Variants in DNAJC16 observed in about 807,000 individuals in gnomAD.
The protein encoded by DNAJC16 is dnaJ homolog subfamily C member 16.
DNAJC16 carries 76 observed loss-of-function variants against 92.7 expected under a neutral mutation model. That is an observed-to-expected ratio of 0.82 (90% CI 0.68 to 0.99). The LOEUF is 0.99. Ranked by LOEUF, DNAJC16 falls within the 50% of genes least tolerant of loss-of-function variation. The pLI, the probability that DNAJC16 is intolerant of heterozygous loss-of-function variation, is 0.00. For missense variants in DNAJC16, 869 were observed against 942.4 expected (o/e 0.92, Z 1.02); for synonymous variants, 328 against 358.7 (o/e 0.91, Z 0.97).
intron 7 of DNAJC16, among the ~76,000 whole-genome samples, chr1:15,554,144 A>C (rs1278997460): frequency 4.6e-5 from 7 of 152,122 alleles, no homozygotes; most frequent in Non-Finnish European, 8.8e-5. Context: ...TCAAGGCTGC[A>C]GTGAGCTGTG....
At chr1:15,546,354 A>G (rs1638303797) in intron 5 of DNAJC16, among the ~76,000 whole-genome samples, 1 of 152,176 alleles carries the variant, frequency 6.6e-6, no homozygotes, top group African/African-American at 2.4e-5. Flanking sequence ...CTGAGGTGTG[A>G]TAGATAGATG....
At chr1:15,557,784 G>A (rs1638600322) in intron 7 of DNAJC16, among the ~76,000 whole-genome samples, 1 of 151,634 alleles carries the variant, frequency 6.6e-6, no homozygotes, top group African/African-American at 2.4e-5. Flanking sequence ...CCAGGCTGGA[G>A]TGTAGTGATG....
chr1:15,569,600 A>G lies in DNAJC16; in HGVS notation c.*1423A>G, dbSNP rs1336026550. On this transcript the variant is annotated 3_prime_UTR_variant, in exon 15 of 15. Coordinates refer to ENST00000375847, the MANE Select transcript of DNAJC16 (RefSeq NM_015291.4). ...CCTTTGGTGGCTTTGTGAAGGGTGA[A>G]AATCAGTGATGGGACATTTACTAAG... is the stretch of plus-strand genomic sequence containing the variant. 1.3e-5 allele frequency: 2 copies of G among 151,918 alleles called. No homozygotes were observed. Among genetic ancestry groups the G allele is most frequent in the Non-Finnish European group, 2.9e-5 (2 of 67,998 alleles). The allele number at this position is 151,918 out of a possible 1,614,324, so 9.4% of individuals were successfully genotyped here.
At chr1:15,533,586 C>T (rs568986345) in intron 2 of DNAJC16, among the ~76,000 whole-genome samples, 1 of 152,210 alleles carries the variant, frequency 6.6e-6, no homozygotes, top group East Asian at 1.9e-4. Context: ...CAAGATTGTA[C>T]CACTGCATTC....
intron 8 of DNAJC16, among the ~76,000 whole-genome samples, chr1:15,559,955 A>G (rs141582182): frequency 3.1e-3 from 466 of 150,226 alleles, no homozygotes; most frequent in African/African-American, 0.011. Context: ...CCCAGCTACT[A>G]GGGAGGCTGA....
intron 6 of DNAJC16, 139 bp from the exon 7 acceptor site, chr1:15,548,131 C>A: frequency 1.4e-6 from 1 of 691,682 alleles, no homozygotes. Context: ...TGGAAGTATA[C>A]AAGGATACGG....
intron 4 of DNAJC16, among the ~76,000 whole-genome samples, chr1:15,539,150 A>C (rs1317894614): frequency 7.9e-5 from 12 of 152,262 alleles, no homozygotes; most frequent in Admixed American, 7.8e-4. Context: ...TAGTATTTTT[A>C]ATTCCCGAGG....
rs1257537669 is a variant in DNAJC16 at position 15,569,125 on chromosome 1, C to G, written c.*948C>G. The G allele has an allele frequency of 1.3e-5, 2 of 158,984 alleles. No individual in the cohort carries two copies. Among genetic ancestry groups the G allele is most frequent in the Non-Finnish European group, 2.8e-5 (2 of 72,542 alleles). 9.8% of individuals were successfully genotyped at this position (158,984 alleles called of 1,614,324 possible). A position where few individuals can be genotyped will look rare whatever the true frequency, so the allele number is the denominator to read the frequency against. ...GAAATTATTCCCACCTGCTATGAGT[C>G]AGGCTTAAGGAATCTCTTCAATAGT... On this transcript the variant is annotated 3_prime_UTR_variant, in exon 15 of 15. Coordinates refer to ENST00000375847, the MANE Select transcript of DNAJC16 (RefSeq NM_015291.4).
Position 15,568,361 on chromosome 1 carries a change from T to G in DNAJC16, c.*184T>G, listed in dbSNP as rs1162361511. On this transcript the variant is annotated 3_prime_UTR_variant, in exon 15 of 15. Coordinates refer to ENST00000375847, the MANE Select transcript of DNAJC16 (RefSeq NM_015291.4). ...CCTAGGAATGAAAAACACCACCAGT[T>G]TGAATCGCCTAGATGAAAATCTTTT... 5.3e-6 allele frequency: 3 copies of G among 567,424 alleles called. No homozygotes were observed. The highest frequency in any genetic ancestry group is 9.1e-6 in the Non-Finnish European group (3 of 328,564). 35.1% of individuals were successfully genotyped at this position (567,424 alleles called of 1,614,324 possible).
At chr1:15,567,679 C>T (rs919620674) in intron 14 of DNAJC16, 99 bp from the exon 15 acceptor site, 6 of 1,306,754 alleles carry the variant, frequency 4.6e-6, no homozygotes, top group South Asian at 2.8e-5. Flanking sequence ...CAACACAAAG[C>T]GTTTTCCTAT....
intron 3 of DNAJC16, among the ~76,000 whole-genome samples, chr1:15,536,227 C>T (rs1710780133): frequency 6.6e-6 from 1 of 151,852 alleles, no homozygotes; most frequent in African/African-American, 2.4e-5. Flanking sequence ...GCATGCGCCA[C>T]CACTCCCGGC....
At chr1:15,534,578 C>G (rs6690813) in intron 3 of DNAJC16, among the ~76,000 whole-genome samples, 2 of 151,804 alleles carry the variant, frequency 1.3e-5, no homozygotes, top group African/African-American at 4.8e-5. Flanking sequence ...AAAAAAAATT[C>G]GCCGGGCGTG....
Position 15,566,160 on chromosome 1 carries a change from C to T in DNAJC16, c.1758C>T (p.Ser586=), listed in dbSNP as rs1011599483. 6.2e-7 allele frequency: 1 copy of T among 1,614,028 alleles called. No individual in the cohort carries two copies. The highest frequency in any genetic ancestry group is 1.1e-5 in the South Asian group (1 of 91,080). ...AQEKTGKTEP[S]FTKENSSKIP... ...AGAAGACTGGGAAAACTGAGCCAAG[C>T]TTCACCAAAGAAAACAGCAGGTTTC... The change falls in exon 13 of 15, where the codon AGC becomes AGT. Residue 586 remains serine (S), a synonymous_variant. Coordinates refer to ENST00000375847, the MANE Select transcript of DNAJC16 (RefSeq NM_015291.4).
chr1:15,539,960 GAGGTTGC>G (rs1710893966), intron 4 of DNAJC16, among the ~76,000 whole-genome samples: 1 of 151,778 alleles, frequency 6.6e-6, no homozygotes, highest in African/African-American at 2.4e-5. Context: ...CCCAGGAGTG[GAGGTTGC>G]AGTGAGCCAA....
rs752081088 is a variant in DNAJC16, at chr1:15,536,836, A to G, written c.574+22A>G. The G allele has an allele frequency of 8.3e-6, 13 of 1,574,482 alleles. No individual in the cohort carries two copies. In the South Asian group the frequency reaches 1.5e-4, roughly 19 times the overall value. ...TTGGGTAAGATAATTTTATTCACTG[A>G]AAGATATTTATATAGATGACTTTTT... is the stretch of plus-strand genomic sequence containing the variant. On this transcript the variant is annotated intron_variant, in intron 4 of 14. Coordinates refer to ENST00000375847, the MANE Select transcript of DNAJC16 (RefSeq NM_015291.4).
chr1:15,529,016 A>G (rs1437998992), intron 1 of DNAJC16, 72 bp from the exon 2 acceptor site: 2 of 1,383,732 alleles, frequency 1.4e-6, no homozygotes, highest in African/African-American at 2.9e-5. Context: ...TATATATCTT[A>G]TACCTTTACC....
In DNAJC16 at chr1:15,539,955, G is replaced by T. The variant is rs1710893635; in HGVS notation, c.574+3141G>T. Among the ~76,000 whole-genome samples, 3 of 152,098 alleles carry T rather than the reference G, an allele frequency of 2.0e-5. No homozygotes were observed. The South Asian group carries it at 6.2e-4, about 32-fold the overall frequency. On this transcript the variant is annotated intron_variant, in intron 4 of 14. Coordinates refer to ENST00000375847, the MANE Select transcript of DNAJC16 (RefSeq NM_015291.4). The stretch of plus-strand genomic sequence containing the variant: ...AGGCAGGAGAATTGCTTGAACCCAG[G>T]AGTGGAGGTTGCAGTGAGCCAAGAT...
intron 6 of DNAJC16, 47 bp downstream of exon 6, chr1:15,546,918 T>A: frequency 1.1e-5 from 7 of 613,218 alleles, no homozygotes; most frequent in East Asian, 1.1e-4. Context: ...TTCTTTTCTT[T>A]TTTTTTTTTT....
intron 7 of DNAJC16, among the ~76,000 whole-genome samples, chr1:15,550,154 C>A (rs143872552): frequency 1.2e-4 from 19 of 152,152 alleles, no homozygotes; most frequent in African/African-American, 4.3e-4. Context: ...CTGATGGAGA[C>A]GAGAAGGTGC....
Sources: gnomAD v4.1 joint callset for allele counts (sites outside exome capture counted in the v4.1 genomes callset) on GRCh38, gnomAD v4.1.1 for gene constraint, MANE v1.5 for transcripts, NCBI Gene and HGNC (gene_info 2026-07-23, HGNC 2026-07-21) for gene names.